NLGN1: variants seen among roughly 807,000 people sequenced by gnomAD.
The protein encoded by NLGN1 is neuroligin-1.
A neutral mutation model predicts 65.5 loss-of-function variants in NLGN1; 12 were observed. The observed-to-expected ratio is 0.18, with a 90% CI of 0.12 to 0.30. The LOEUF (loss-of-function observed/expected upper bound fraction) is 0.30. NLGN1 is among the 10% of genes least tolerant of loss of function. The pLI is 1.00. For synonymous variants in NLGN1, 350 were observed against 359.5 expected, an observed-to-expected ratio of 0.97 and a Z score of 0.30; for missense variants, 750 against 1,007.1, an observed-to-expected ratio of 0.74 and a Z score of 3.46.
intron 4 of NLGN1, among the ~76,000 whole-genome samples, chr3:174,062,456 T>C (rs1265323145): frequency 6.6e-6 from 1 of 152,076 alleles, no homozygotes; most frequent in African/African-American, 2.4e-5. Flanking sequence ...TTATTGCTGT[T>C]CACATATAAT....
intron 4 of NLGN1, among the ~76,000 whole-genome samples, chr3:174,128,394 A>T (rs1294167291): frequency 6.6e-6 from 1 of 152,198 alleles, no homozygotes; most frequent in Non-Finnish European, 1.5e-5. Context: ...AAAAGATAAT[A>T]TGTGGGATAG....
chr3:173,924,019 G>A, intron 4 of NLGN1, among the ~76,000 whole-genome samples: 1 of 152,010 alleles, frequency 6.6e-6, no homozygotes, highest in East Asian at 1.9e-4. Context: ...TAAAATCTAT[G>A]TTTAATATTA....
At chr3:174,269,278 C>T (rs1748884270) in intron 4 of NLGN1, among the ~76,000 whole-genome samples, 1 of 151,876 alleles carries the variant, frequency 6.6e-6, no homozygotes, top group Non-Finnish European at 1.5e-5. Flanking sequence ...AGCAACAGAT[C>T]TCTAGAACTT....
intron 3 of NLGN1, among the ~76,000 whole-genome samples, chr3:173,668,524 A>G (rs1048805400): frequency 3.3e-5 from 5 of 152,186 alleles, no homozygotes; most frequent in African/African-American, 1.2e-4. Flanking sequence ...TTTGAGGAAG[A>G]CAACCCTGTG....
At chr3:174,063,788 A>G (rs564922124) in intron 4 of NLGN1, among the ~76,000 whole-genome samples, 31 of 152,294 alleles carry the variant, frequency 2.0e-4, no homozygotes, top group African/African-American at 7.0e-4. Context: ...ATTTGTAGGC[A>G]TGTATTGCAT....
chr3:173,614,590 T>C (rs902384261), intron 3 of NLGN1, among the ~76,000 whole-genome samples: 2 of 152,076 alleles, frequency 1.3e-5, no homozygotes, highest in Non-Finnish European at 2.9e-5. Context: ...GATATGTTGC[T>C]TTGGCACAGT....
intron 4 of NLGN1, among the ~76,000 whole-genome samples, chr3:174,015,158 T>C (rs1726299779): frequency 6.6e-6 from 1 of 152,226 alleles, no homozygotes; most frequent in Admixed American, 6.5e-5. Flanking sequence ...CCCATTATTT[T>C]AATTTTATGG....
intron 1 of NLGN1, among the ~76,000 whole-genome samples, chr3:173,403,878 C>T (rs1052270070): frequency 3.9e-5 from 6 of 152,094 alleles, no homozygotes; most frequent in East Asian, 3.9e-4. Context: ...TCACTCAATA[C>T]GTGTCTTTTT....
chr3:173,828,868 C>A (rs60465484), intron 4 of NLGN1, among the ~76,000 whole-genome samples: 25,345 of 151,830 alleles, frequency 0.17, 2,490 homozygotes, highest in African/African-American at 0.27. Context: ...ATCAGATAAA[C>A]CATGAGAGTA....
intron 2 of NLGN1, among the ~76,000 whole-genome samples, chr3:173,478,850 CCACTG>C (rs1726741473): frequency 6.6e-6 from 1 of 151,392 alleles, no homozygotes; most frequent in Non-Finnish European, 1.5e-5. Flanking sequence ...TGAGAATGCA[CCACTG>C]CACTCCAGCA....
At chr3:174,024,953 C>T (rs1478296236) in intron 4 of NLGN1, among the ~76,000 whole-genome samples, 1 of 152,134 alleles carries the variant, frequency 6.6e-6, no homozygotes, top group Non-Finnish European at 1.5e-5. Flanking sequence ...ATTAAACGTT[C>T]ACCTCTAAAT....
At chr3:173,673,286 T>A (rs1029226982) in intron 3 of NLGN1, among the ~76,000 whole-genome samples, 3 of 152,228 alleles carry the variant, frequency 2.0e-5, no homozygotes, top group African/African-American at 7.2e-5. Context: ...CTACTAGTGC[T>A]AGTTAATCCC....
intron 4 of NLGN1, among the ~76,000 whole-genome samples, chr3:174,059,384 A>G (rs1736889296): frequency 6.6e-6 from 1 of 152,094 alleles, no homozygotes; most frequent in African/African-American, 2.4e-5. Flanking sequence ...TTTCATTGCA[A>G]ATGGGATGAA....
rs1173826195 is a variant in NLGN1 at position 173,399,401 on chromosome 3, C to A, written c.-390+914C>A. Among the ~76,000 whole-genome samples the A allele has an allele frequency of 3.3e-5, 5 of 152,296 alleles. No individual in the cohort carries two copies. The East Asian group carries it at 9.6e-4, about 29-fold the overall frequency. On this transcript the variant is annotated intron_variant, in intron 1 of 6. Transcript: ENST00000457714. ...CTTCCCATTGTCTCCCTTCTTCCAC[C>A]CCCAAAGTACTTGCTGTCAATCTTT...
At chr3:174,269,583 C>A (rs1286558882) in intron 4 of NLGN1, among the ~76,000 whole-genome samples, 1 of 151,906 alleles carries the variant, frequency 6.6e-6, no homozygotes, top group East Asian at 1.9e-4. Context: ...TTTCTTTATA[C>A]ATTGATCTGT....
At chr3:173,502,547 C>T (rs1030555325) in intron 2 of NLGN1, among the ~76,000 whole-genome samples, 6 of 152,100 alleles carry the variant, frequency 3.9e-5, no homozygotes, top group African/African-American at 1.4e-4. Flanking sequence ...CATGAGCACA[C>T]GTTTCAAGTT....
At chr3:173,950,748 G>T (rs181973095) in intron 4 of NLGN1, among the ~76,000 whole-genome samples, 3 of 151,284 alleles carry the variant, frequency 2.0e-5, no homozygotes, top group Non-Finnish European at 2.9e-5. Flanking sequence ...AGCAGATGTC[G>T]CGGTGAGCCA....
At chr3:173,706,554 A>G (rs1560207120) in intron 3 of NLGN1, among the ~76,000 whole-genome samples, 1 of 152,122 alleles carries the variant, frequency 6.6e-6, no homozygotes, top group Admixed American at 6.6e-5. Context: ...ATTGTCCTTA[A>G]CCATCTTTTA....
intron 4 of NLGN1, among the ~76,000 whole-genome samples, chr3:173,907,322 G>A (rs879356159): frequency 6.6e-6 from 1 of 152,138 alleles, no homozygotes; most frequent in African/African-American, 2.4e-5. Context: ...CTTACCGTGA[G>A]GCATCACTTA....
Sources: gnomAD v4.1 joint callset for allele counts (sites outside exome capture counted in the v4.1 genomes callset) on GRCh38, gnomAD v4.1.1 for gene constraint, MANE v1.5 for transcripts, NCBI Gene and HGNC (gene_info 2026-07-23, HGNC 2026-07-21) for gene names.